The following TBC1D22A variants were observed in gnomAD, a reference collection of about 807,000 sequenced individuals.
The protein encoded by TBC1D22A is putative GTPase activator.
TBC1D22A carries 38 observed loss-of-function variants against 60.2 expected under a neutral mutation model. The observed-to-expected ratio is 0.63, with a 90% confidence interval of 0.49 to 0.83. TBC1D22A has a LOEUF of 0.83. TBC1D22A is among the 40% of genes least tolerant of loss of function. The probability of loss-of-function intolerance (pLI) is 0.00; values close to 1 mark genes in which losing one functional copy is unlikely to be tolerated. For synonymous variants in TBC1D22A, 302 were observed against 281.7 expected (o/e 1.07, Z -0.72); for missense variants, 628 against 701.0 (o/e 0.90, Z 1.18).
At chr22:46,943,080 T>G (rs533357486) in intron 8 of TBC1D22A, among the ~76,000 whole-genome samples, 28 of 152,182 alleles carry the variant, frequency 1.8e-4, no homozygotes, top group Non-Finnish European at 3.1e-4. Context: ...GCCAGAGGAC[T>G]TCCGCAGGTG....
intron 11 of TBC1D22A, among the ~76,000 whole-genome samples, chr22:47,075,956 T>C (rs944887678): frequency 6.6e-6 from 1 of 152,152 alleles, no homozygotes; most frequent in Non-Finnish European, 1.5e-5. Context: ...AGGAGATCTC[T>C]ACAGGATGAT....
chr22:46,912,188 G>A lies in TBC1D22A; in HGVS notation c.1015G>A (p.Glu339Lys). The A allele has an allele frequency of 2.5e-6, 4 of 1,608,360 alleles. No homozygotes were observed. The highest frequency in any genetic ancestry group is 3.4e-6 in the Non-Finnish European group (4 of 1,175,564). The change falls in exon 8 of 13, where the codon GAG (glutamate) becomes AAG (lysine). Residue 339 changes from glutamate (E) to lysine (K), a missense_variant and splice_region_variant. Coordinates refer to ENST00000337137, the MANE Select transcript of TBC1D22A (RefSeq NM_014346.5). Reference sequence around the variant, plus strand: ...TGTGGTCTTCATTTGTGAATACATAGGTAAGATTTCTTGCAAACATTAAAC... The same window carrying A: ...TGTGGTCTTCATTTGTGAATACATAAGTAAGATTTCTTGCAAACATTAAAC... ...FFVVFICEYI[E>K]AEEVDTVDVS...
At chr22:47,111,435 C>T (rs1382489965) in intron 11 of TBC1D22A, 73 bp from the exon 12 acceptor site, 17 of 1,378,968 alleles carry the variant, frequency 1.2e-5, no homozygotes, top group Admixed American at 1.1e-4. Context: ...CCCTGACTGT[C>T]GCAGATAACC....
chr22:47,087,251 C>T (rs5769363), intron 11 of TBC1D22A, among the ~76,000 whole-genome samples: 41,830 of 152,176 alleles, frequency 0.27, 6,310 homozygotes, highest in East Asian at 0.57. Flanking sequence ...GGGTTATAGT[C>T]TATATGGGGA....
chr22:47,116,105 T>G (rs896967313), intron 12 of TBC1D22A: 1 of 152,208 alleles, frequency 6.6e-6, no homozygotes, highest in African/African-American at 2.4e-5. Flanking sequence ...TTCCCCTCCT[T>G]GGAGCCCCAC....
intron 10 of TBC1D22A, among the ~76,000 whole-genome samples, chr22:47,029,391 A>G (rs1197487096): frequency 6.6e-6 from 1 of 152,134 alleles, no homozygotes; most frequent in Non-Finnish European, 1.5e-5. Context: ...CGCCAACAAG[A>G]AAGCCCCTCA....
intron 12 of TBC1D22A, among the ~76,000 whole-genome samples, chr22:47,152,679 C>T (rs570519026): frequency 5.4e-4 from 83 of 152,314 alleles, no homozygotes; most frequent in African/African-American, 1.9e-3. Flanking sequence ...GTGCTTGGCC[C>T]ATTTATATTT....
chr22:47,065,930 C>G (rs569912539), intron 11 of TBC1D22A, among the ~76,000 whole-genome samples: 62 of 152,260 alleles, frequency 4.1e-4, no homozygotes, highest in African/African-American at 1.5e-3. Flanking sequence ...GGACCTTGGG[C>G]ACACTGGACC....
intron 10 of TBC1D22A, among the ~76,000 whole-genome samples, chr22:47,004,853 A>T (rs889323866): frequency 6.6e-6 from 1 of 151,036 alleles, no homozygotes; most frequent in South Asian, 2.1e-4. Flanking sequence ...ACTACTGTAC[A>T]TACACACACC....
intron 1 of TBC1D22A, 67 bp downstream of exon 1, chr22:46,762,915 T>C: frequency 7.0e-7 from 1 of 1,418,748 alleles, no homozygotes; most frequent in Non-Finnish European, 9.3e-7. Flanking sequence ...GTTGGCCTCC[T>C]GGGCTGCGGG....
intron 4 of TBC1D22A, among the ~76,000 whole-genome samples, chr22:46,875,289 A>G (rs892255557): frequency 6.6e-5 from 10 of 152,232 alleles, no homozygotes; most frequent in African/African-American, 2.2e-4. Context: ...TAAATAGGAC[A>G]CAAAGGATAT....
rs781193550 is a variant in TBC1D22A, at chr22:47,155,539, C to T, written c.1426-17959C>T. ...AGGTGGGAGCCGCCCTGGGGATGCC[C>T]GGCCACTGTGGACCAGTGACCATGT... On this transcript the variant is annotated intron_variant, in intron 12 of 12. Transcript: ENST00000337137. Among the ~76,000 whole-genome samples the T allele has an allele frequency of 3.4e-4, 52 of 152,212 alleles. 1 individual carries two copies. The highest frequency in any genetic ancestry group is 5.7e-4 in the Non-Finnish European group (39 of 68,032).
intron 12 of TBC1D22A, among the ~76,000 whole-genome samples, chr22:47,167,923 C>T (rs1051902868): frequency 1.3e-5 from 2 of 152,188 alleles, no homozygotes; most frequent in African/African-American, 4.8e-5. Flanking sequence ...TCACTGGGGA[C>T]CCATCCCTGT....
At chr22:46,841,226 C>G (rs1034047536) in intron 4 of TBC1D22A, among the ~76,000 whole-genome samples, 7 of 152,156 alleles carry the variant, frequency 4.6e-5, no homozygotes, top group Admixed American at 1.3e-4. Flanking sequence ...AGGTGGAGCC[C>G]TCATGGATGA....
intron 7 of TBC1D22A, 28 bp from the exon 8 acceptor site, chr22:46,912,046 C>G: frequency 2.6e-6 from 4 of 1,550,132 alleles, no homozygotes; most frequent in Non-Finnish European, 3.5e-6. Flanking sequence ...TTACTTTTTG[C>G]TTTACCACCT....
At chr22:46,896,575 G>A (rs1362911772) in intron 7 of TBC1D22A, among the ~76,000 whole-genome samples, 2 of 152,082 alleles carry the variant, frequency 1.3e-5, no homozygotes, top group African/African-American at 4.8e-5. Context: ...TCCCCATACT[G>A]TTTCTGGGTC....
intron 11 of TBC1D22A, among the ~76,000 whole-genome samples, chr22:47,104,861 A>C (rs912745634): frequency 3.9e-5 from 6 of 152,200 alleles, no homozygotes; most frequent in African/African-American, 1.4e-4. Context: ...CCAGTTGTCA[A>C]CTAGAACATG....
intron 8 of TBC1D22A, among the ~76,000 whole-genome samples, chr22:46,948,629 A>T (rs538499006): frequency 1.8e-4 from 28 of 152,258 alleles, no homozygotes; most frequent in African/African-American, 6.7e-4. Flanking sequence ...GGTTTGGGAA[A>T]TCTTTGATGC....
intron 4 of TBC1D22A, among the ~76,000 whole-genome samples, chr22:46,873,392 C>T (rs748331006): frequency 8.5e-5 from 13 of 152,098 alleles, no homozygotes; most frequent in Non-Finnish European, 1.6e-4. Context: ...AGACTGACAA[C>T]GCTAAATTTT....
Sources: gnomAD v4.1 joint callset for allele counts (sites outside exome capture counted in the v4.1 genomes callset) on GRCh38, gnomAD v4.1.1 for gene constraint, MANE v1.5 for transcripts, NCBI Gene and HGNC (gene_info 2026-07-23, HGNC 2026-07-21) for gene names.